The following RPSA variants were observed in gnomAD, a reference collection of about 807,000 sequenced individuals.
RPSA encodes ribosomal protein SA.
For synonymous variants in RPSA, 103 were observed against 126.7 expected (o/e 0.81, Z 1.25); for missense variants, 140 against 372.8 (o/e 0.38, Z 5.14).
At position 39,409,521 on chromosome 3, in the gene RPSA, C is replaced by T. The variant is rs556766684; in HGVS notation, c.252+797C>T. 3.9e-5 allele frequency among the ~76,000 whole-genome samples: 6 copies of T among 152,332 alleles called. No individual in the cohort carries two copies. In the East Asian group the frequency reaches 1.2e-3, roughly 29 times the overall value. ...CAGCCTGTAAGACCTTTTCAACATA[C>T]ATGCTGGGCATCTGGCAGTATGTTG... On this transcript the variant is annotated intron_variant, in intron 3 of 6. Transcript: ENST00000301821.
Position 39,411,003 on chromosome 3 carries a change from A to G in RPSA, c.498+4A>G. 3.1e-6 allele frequency: 5 copies of G among 1,599,692 alleles called. No homozygotes were observed. Among genetic ancestry groups the G allele is most frequent in the Non-Finnish European group, 4.2e-6 (5 of 1,179,930 alleles). ...TGCCATCCCATGCAACAACAAGGTAATGATTTTAGGATCTAGAGTTTGTGA... is the reference window on the plus strand; with the variant it reads ...TGCCATCCCATGCAACAACAAGGTAGTGATTTTAGGATCTAGAGTTTGTGA... On this transcript the variant is annotated splice_donor_region_variant and intron_variant, in intron 4 of 6. Transcript: ENST00000301821.
chr3:39,410,454 A>G (rs1380803785), intron 3 of RPSA: 2 of 409,866 alleles, frequency 4.9e-6, no homozygotes, highest in Non-Finnish European at 9.2e-6. Flanking sequence ...GCAGTTAGTT[A>G]TTGCTGTAGA....
chr3:39,412,539 T>C lies in RPSA; in HGVS notation c.*171T>C, dbSNP rs2042019518. 1.0e-5 allele frequency: 6 copies of C among 595,972 alleles called. No homozygotes were observed. Among genetic ancestry groups the C allele is most frequent in the South Asian group, 6.2e-5 (3 of 48,668 alleles). The allele number at this position is 595,972 out of a possible 1,614,324, so 36.9% of individuals were successfully genotyped here. ...CATGTCTCGACATGAGTTGTACTTCTAAAGCCCACTGTAGATAGTGTATAT... is the reference window on the plus strand; with the variant it reads ...CATGTCTCGACATGAGTTGTACTTCCAAAGCCCACTGTAGATAGTGTATAT... On this transcript the variant is annotated 3_prime_UTR_variant, in exon 7 of 7. Transcript: ENST00000301821.
intron 4 of RPSA, 123 bp from the exon 5 acceptor site, chr3:39,411,525 AC>A: frequency 1.0e-6 from 1 of 977,170 alleles, no homozygotes; most frequent in Non-Finnish European, 1.5e-6. Flanking sequence ...GCTCCCTGTT[AC>A]AATTGCTTTT....
At chr3:39,407,129 T>C (rs11706951) in intron 1 of RPSA, 44,746 of 388,312 alleles carry the variant, frequency 0.12, 3,266 homozygotes, top group Non-Finnish European at 0.16. Context: ...CTTGGGCTGG[T>C]CGGGTTTTCC....
intron 3 of RPSA, 159 bp from the exon 4 acceptor site, chr3:39,410,595 A>AC: frequency 1.3e-6 from 1 of 791,822 alleles, no homozygotes; most frequent in Non-Finnish European, 2.1e-6. Flanking sequence ...GTATGCAGGA[A>AC]ATCTCTGGAG....
chr3:39,408,968 C>G, intron 3 of RPSA: 1 of 431,878 alleles, frequency 2.3e-6, no homozygotes, highest in South Asian at 2.3e-5. Flanking sequence ...TGCCTGTAGT[C>G]CCAGCTACTC....
intron 2 of RPSA, chr3:39,408,397 CT>C (rs775128825): frequency 1.9e-5 from 14 of 751,282 alleles, no homozygotes; most frequent in Non-Finnish European, 3.2e-5. Flanking sequence ...AGGCTGCACA[CT>C]ATTAAAGCTC....
chr3:39,406,729 G>C lies in RPSA; in HGVS notation c.-69G>C. 2.8e-6 allele frequency: 1 copy of C among 355,954 alleles called. No homozygotes were observed. The highest frequency in any genetic ancestry group is 5.5e-6 in the Non-Finnish European group (1 of 181,960). The allele number at this position is 355,954 out of a possible 1,614,324, so 22.0% of individuals were successfully genotyped here. A position where few individuals can be genotyped will look rare whatever the true frequency, so the allele number is the denominator to read the frequency against. ...ATTTCCTGCCGCCTGTCTTTTCCGT[G>C]CTACCTGCAGAGGGGTCCATACGGC... On this transcript the variant is annotated 5_prime_UTR_variant, in exon 1 of 7. Coordinates refer to ENST00000301821, the MANE Select transcript of RPSA (RefSeq NM_002295.6).
Position 39,412,079 on chromosome 3 carries a change from G to T in RPSA, c.793+18G>T. 6.2e-7 allele frequency: 1 copy of T among 1,609,116 alleles called. No individual in the cohort carries two copies. On this transcript the variant is annotated intron_variant, in intron 6 of 6. Transcript: ENST00000301821. ...CCCTACTGGTATGTATCAGGATAGA[G>T]GTGAATCAAGCTGATATTTTGCAAC...
At chr3:39,406,988 T>G (rs1304748362) in intron 1 of RPSA, 5 of 451,764 alleles carry the variant, frequency 1.1e-5, no homozygotes, top group Non-Finnish European at 2.2e-5. Context: ...CAGCGGAGGC[T>G]CCGAGCTGGG....
chr3:39,408,051 C>T (rs2125591608), intron 2 of RPSA: 1 of 447,848 alleles, frequency 2.2e-6, no homozygotes, highest in South Asian at 2.1e-5. Flanking sequence ...TTTCTAATAG[C>T]TCGCATAGTG....
intron 3 of RPSA, chr3:39,410,482 TCTTG>T (rs1024050859): frequency 4.3e-6 from 2 of 470,352 alleles, no homozygotes; most frequent in African/African-American, 2.0e-5. Context: ...GAGTGACAGT[TCTTG>T]CTTGCTTGAG....
In RPSA at chr3:39,412,178, GC is replaced by G. The variant is rs1464637152; in HGVS notation, c.794-95del. 3.8e-6 allele frequency: 5 copies of G among 1,324,180 alleles called. No homozygotes were observed. In the African/African-American group the frequency reaches 4.3e-5, roughly 11 times the overall value. 82.0% of individuals were successfully genotyped at this position (1,324,180 alleles called of 1,614,324 possible). A position where few individuals can be genotyped will look rare whatever the true frequency, so the allele number is the denominator to read the frequency against. On this transcript the variant is annotated intron_variant, in intron 6 of 6. Coordinates refer to ENST00000301821, the MANE Select transcript of RPSA (RefSeq NM_002295.6). ...CTTTAAGAGGTTTTCATTCCAGTGT[GC>G]TACAGCATCTGATAGACTGCTGTTG...
At position 39,410,747 on chromosome 3, in the gene RPSA, T is replaced by C; in HGVS notation, c.253-7T>C. 1 of 1,613,918 alleles carries C rather than the reference T, an allele frequency of 6.2e-7. No individual in the cohort carries two copies. The highest frequency in any genetic ancestry group is 8.5e-7 in the Non-Finnish European group (1 of 1,179,870). ...TCGAGTACCACTAACTTTTAAATTC[T>C]TCAAAGAGGGCTGTGCTGAAGTTTG... On this transcript the variant is annotated splice_region_variant and splice_polypyrimidine_tract_variant and intron_variant, in intron 3 of 6. Transcript: ENST00000301821.
intron 2 of RPSA, 32 bp from the exon 3 acceptor site, chr3:39,408,571 GGTC>G: frequency 8.8e-7 from 1 of 1,132,444 alleles, no homozygotes; most frequent in African/African-American, 1.5e-5. Flanking sequence ...TGCACAGCCA[GGTC>G]AAGTGTTACA....
At chr3:39,411,519 C>T (rs1468128820) in intron 4 of RPSA, 130 bp from the exon 5 acceptor site, 10 of 912,938 alleles carry the variant, frequency 1.1e-5, no homozygotes, top group Non-Finnish European at 1.7e-5. Context: ...TATAATGCTC[C>T]CTGTTACAAT....
Position 39,407,651 on chromosome 3 carries a change from A to G in RPSA, c.-3A>G, listed in dbSNP as rs1416244239. On this transcript the variant is annotated 5_prime_UTR_variant, in exon 2 of 7. Coordinates refer to ENST00000301821, the MANE Select transcript of RPSA (RefSeq NM_002295.6). ...CGTCGTAACTTAAAGGGAAATTTTC[A>G]CAATGTCCGGAGCCCTTGATGTCCT... 3 of 1,595,620 alleles carry G rather than the reference A, an allele frequency of 1.9e-6. No homozygotes were observed. The African/African-American group carries it at 4.0e-5, about 21-fold the overall frequency.
At chr3:39,408,399 A>ATT (rs764018267) in intron 2 of RPSA, 18 of 751,148 alleles carry the variant, frequency 2.4e-5, no homozygotes, top group African/African-American at 5.1e-5. Context: ...GCTGCACACT[A>ATT]TTAAAGCTCA....
Sources: gnomAD v4.1 joint callset for allele counts (sites outside exome capture counted in the v4.1 genomes callset) on GRCh38, gnomAD v4.1.1 for gene constraint, MANE v1.5 for transcripts, NCBI Gene and HGNC (gene_info 2026-07-23, HGNC 2026-07-21) for gene names.